CLSTN2: variants seen among roughly 807,000 people sequenced by gnomAD.
The protein encoded by CLSTN2 is calsyntenin 2.
In CLSTN2, 48 loss-of-function variants were observed where a neutral mutation model predicts 101.2. That is an observed-to-expected ratio of 0.47 (90% CI 0.38 to 0.60). The LOEUF (loss-of-function observed/expected upper bound fraction) is 0.60, where lower values mean the gene tolerates loss of function less well. Ranked by LOEUF, CLSTN2 falls within the 20% of genes least tolerant of loss-of-function variation. CLSTN2 has a pLI of 0.00. For synonymous variants in CLSTN2, 481 were observed against 463.6 expected, an observed-to-expected ratio of 1.04 and a Z score of -0.48; for missense variants, 1,160 against 1,238.2, an observed-to-expected ratio of 0.94 and a Z score of 0.95.
chr3:139,989,641 TG>T (rs1936085842), intron 1 of CLSTN2, among the ~76,000 whole-genome samples: 1 of 152,206 alleles, frequency 6.6e-6, no homozygotes, highest in African/African-American at 2.4e-5. Flanking sequence ...TAAAATAGGA[TG>T]TAAGAATCAA....
intron 2 of CLSTN2, among the ~76,000 whole-genome samples, chr3:140,349,745 A>G (rs1392357759): frequency 1.3e-5 from 2 of 152,182 alleles, no homozygotes; most frequent in East Asian, 3.8e-4. Flanking sequence ...CCCATTTACA[A>G]TCTTTGCTTG....
intron 2 of CLSTN2, among the ~76,000 whole-genome samples, chr3:140,282,813 TTG>T (rs1409654455): frequency 1.3e-5 from 2 of 152,208 alleles, no homozygotes; most frequent in African/African-American, 4.8e-5. Flanking sequence ...CACTGTGCTG[TTG>T]TACAGTATGT....
intron 13 of CLSTN2, 88 bp from the exon 14 acceptor site, chr3:140,562,723 T>C: frequency 1.4e-6 from 2 of 1,395,332 alleles, no homozygotes; most frequent in Non-Finnish European, 2.0e-6. Flanking sequence ...ACCCATGAGG[T>C]CTTGTACCAC....
chr3:140,562,347 C>G, intron 13 of CLSTN2, 39 bp downstream of exon 13: 1 of 1,573,582 alleles, frequency 6.4e-7, no homozygotes, highest in Non-Finnish European at 8.6e-7. Flanking sequence ...CAAGGGTGTC[C>G]TCTTAGAATG....
chr3:140,459,400 A>T, intron 6 of CLSTN2, 121 bp from the exon 7 acceptor site: 1 of 1,119,454 alleles, frequency 8.9e-7, no homozygotes, highest in East Asian at 2.4e-5. Flanking sequence ...CACATAGCTC[A>T]TGGTTAGGCA....
chr3:140,154,949 G>A (rs1412821231), intron 1 of CLSTN2, among the ~76,000 whole-genome samples: 1 of 152,248 alleles, frequency 6.6e-6, no homozygotes, highest in Non-Finnish European at 1.5e-5. Flanking sequence ...AACTCACTCA[G>A]TATGATGAGA....
chr3:140,533,312 G>A (rs1456267260), intron 9 of CLSTN2, among the ~76,000 whole-genome samples: 1 of 152,218 alleles, frequency 6.6e-6, no homozygotes, highest in East Asian at 1.9e-4. Context: ...TTAGTACTTT[G>A]AGATGTGGCA....
At chr3:140,446,256 G>T (rs149922328) in intron 5 of CLSTN2, among the ~76,000 whole-genome samples, 53 of 152,266 alleles carry the variant, frequency 3.5e-4, no homozygotes, top group African/African-American at 1.2e-3. Context: ...GAGGGGATGG[G>T]CTAATCCAGA....
At chr3:140,381,828 G>A (rs925373226) in intron 2 of CLSTN2, among the ~76,000 whole-genome samples, 8 of 152,226 alleles carry the variant, frequency 5.3e-5, no homozygotes, top group African/African-American at 1.9e-4. Context: ...ATTACACAAA[G>A]TCACAGAGGT....
At chr3:140,284,280 A>G (rs2107898748) in intron 2 of CLSTN2, among the ~76,000 whole-genome samples, 1 of 152,166 alleles carries the variant, frequency 6.6e-6, no homozygotes, top group South Asian at 2.1e-4. Flanking sequence ...TGGGTTTCTA[A>G]TTTATTTCTG....
At chr3:140,410,066 G>A (rs144550228) in intron 4 of CLSTN2, among the ~76,000 whole-genome samples, 3 of 152,110 alleles carry the variant, frequency 2.0e-5, no homozygotes, top group Non-Finnish European at 4.4e-5. Context: ...ACACTATCAA[G>A]AGAGCTTATA....
Position 140,566,514 on chromosome 3 carries a change from C to T in CLSTN2, c.*261C>T. On this transcript the variant is annotated 3_prime_UTR_variant, in exon 17 of 17. Coordinates refer to ENST00000458420, the MANE Select transcript of CLSTN2 (RefSeq NM_022131.3). ...GCCTCCACTTCTGCCCTAAGTTCCCCAGCATCCTGACTACCTGTCTGCAGA... is the reference window on the plus strand; with the variant it reads ...GCCTCCACTTCTGCCCTAAGTTCCCTAGCATCCTGACTACCTGTCTGCAGA... The T allele has an allele frequency of 3.9e-6, 2 of 512,092 alleles. No individual in the cohort carries two copies. Among genetic ancestry groups the T allele is most frequent in the South Asian group, 2.6e-5 (1 of 37,912 alleles). 31.7% of individuals were successfully genotyped at this position (512,092 alleles called of 1,614,324 possible). A position where few individuals can be genotyped will look rare whatever the true frequency, so the allele number is the denominator to read the frequency against.
At position 140,415,486 on chromosome 3, in the gene CLSTN2, CAA is replaced by C. The variant is rs751616049; in HGVS notation, c.638-5616_638-5615del. Among the ~76,000 whole-genome samples, 311 of 56,888 alleles carry C rather than the reference CAA, an allele frequency of 5.5e-3. 1 individual carries two copies. The highest frequency in any genetic ancestry group is 0.014 in the East Asian group (22 of 1,578). 37.3% of individuals were successfully genotyped at this position (56,888 alleles called of 152,430 possible). On this transcript the variant is annotated intron_variant, in intron 4 of 16. Transcript: ENST00000458420. ...GAGGAACTCATATAACACAAAATAG[CAA>C]AAAAAAAAAAAAAAAAAAAAAACAA...
intron 1 of CLSTN2, among the ~76,000 whole-genome samples, chr3:140,087,816 G>T (rs1402263172): frequency 6.6e-6 from 1 of 152,182 alleles, no homozygotes; most frequent in Non-Finnish European, 1.5e-5. Context: ...TGGATAAGTT[G>T]TTTGTAGCAT....
At chr3:140,045,255 T>C (rs747365828) in intron 1 of CLSTN2, among the ~76,000 whole-genome samples, 21 of 152,206 alleles carry the variant, frequency 1.4e-4, no homozygotes, top group Middle Eastern at 3.2e-3. Flanking sequence ...TGGTTTAGTC[T>C]TGGGAGGGTG....
chr3:140,501,020 G>A (rs769546209), intron 8 of CLSTN2, among the ~76,000 whole-genome samples: 7 of 151,886 alleles, frequency 4.6e-5, no homozygotes, highest in Non-Finnish European at 8.8e-5. Context: ...TTGAGTGTTC[G>A]GGTGAAGGGA....
intron 1 of CLSTN2, among the ~76,000 whole-genome samples, chr3:139,953,097 C>T (rs1054087607): frequency 5.3e-5 from 8 of 152,142 alleles, no homozygotes; most frequent in African/African-American, 1.9e-4. Flanking sequence ...GGGGCTTCCT[C>T]CCCAGAGGGA....
rs576257220 is a variant in CLSTN2, at chr3:140,391,367, G to T, written c.233-12262G>T. 3.8e-4 allele frequency among the ~76,000 whole-genome samples: 55 copies of T among 144,120 alleles called. 1 individual carries two copies. The highest frequency in any genetic ancestry group is 1.3e-3 in the African/African-American group (47 of 37,308). The allele number at this position is 144,120 out of a possible 152,430, so 94.5% of individuals were successfully genotyped here. A position where few individuals can be genotyped will look rare whatever the true frequency, so the allele number is the denominator to read the frequency against. On this transcript the variant is annotated intron_variant, in intron 2 of 16. Transcript: ENST00000458420. ...CTGTCTAGAGCCCTTCACTATTTGC[G>T]TGGGGGGGTGGGCGGGAGGGGCGGG... is the stretch of plus-strand genomic sequence containing the variant.
chr3:140,549,505 G>C (rs895397384), intron 10 of CLSTN2, among the ~76,000 whole-genome samples: 1 of 150,676 alleles, frequency 6.6e-6, no homozygotes, highest in East Asian at 2.0e-4. Context: ...TTAATAAGAC[G>C]CCCAATTTAT....
Sources: allele counts gnomAD v4.1 joint callset (sites outside exome capture counted in the v4.1 genomes callset), GRCh38; gene constraint gnomAD v4.1.1; transcripts MANE v1.5; gene names NCBI Gene and HGNC (gene_info 2026-07-23, HGNC 2026-07-21).